The following TRIOBP variants were observed in gnomAD, a reference collection of about 807,000 sequenced individuals.
The protein encoded by TRIOBP is TRIO and F-actin binding protein.
A neutral mutation model predicts 238.8 loss-of-function variants in TRIOBP; 169 were observed. That is an observed-to-expected ratio of 0.71 (90% CI 0.62 to 0.80). TRIOBP has a LOEUF of 0.80. TRIOBP is among the 30% of genes least tolerant of loss of function. The probability of loss-of-function intolerance (pLI) is 0.00; values close to 1 mark genes in which losing one functional copy is unlikely to be tolerated. For missense variants in TRIOBP, 2,838 were observed against 3,122.6 expected (o/e 0.91, Z 2.17); for synonymous variants, 1,150 against 1,274.4 (o/e 0.90, Z 2.08).
chr22:37,760,374 G>A (rs1926183631), intron 17 of TRIOBP: 2 of 152,282 alleles, frequency 1.3e-5, no homozygotes, highest in South Asian at 2.1e-4. Context: ...AAATACTCCC[G>A]CTGTGGCCAA....
chr22:37,759,875 T>G, intron 17 of TRIOBP: 1 of 593,218 alleles, frequency 1.7e-6, no homozygotes, highest in Non-Finnish European at 2.3e-6. Context: ...TACACATATA[T>G]AAGTTTATTA....
chr22:37,714,959 C>T (rs910131690), intron 5 of TRIOBP, among the ~76,000 whole-genome samples: 2 of 152,188 alleles, frequency 1.3e-5, no homozygotes, highest in African/African-American at 2.4e-5. Flanking sequence ...GCACCACTCA[C>T]TGTCACCTCT....
At chr22:37,717,513 A>C (rs966411935) in intron 6 of TRIOBP, among the ~76,000 whole-genome samples, 9 of 152,110 alleles carry the variant, frequency 5.9e-5, no homozygotes, top group African/African-American at 2.2e-4. Flanking sequence ...ACAATCCCTG[A>C]GCTTGACACA....
At chr22:37,730,331 C>T (rs1440782020) in intron 7 of TRIOBP, among the ~76,000 whole-genome samples, 1 of 152,148 alleles carries the variant, frequency 6.6e-6, no homozygotes, top group African/African-American at 2.4e-5. Flanking sequence ...TCAGAATCTT[C>T]TTGAGTCCCT....
chr22:37,721,024 A>AT (rs11312598), intron 6 of TRIOBP, among the ~76,000 whole-genome samples: 1,829 of 133,312 alleles, frequency 0.014, 38 homozygotes, highest in African/African-American at 0.044. Context: ...CATCCGGCTA[A>AT]TTTTTTTTTT....
At position 37,715,911 on chromosome 22, in the gene TRIOBP, A is replaced by G. The variant is rs1923493133; in HGVS notation, c.605A>G (p.Asp202Gly). 6.2e-7 allele frequency: 1 copy of G among 1,612,866 alleles called. No homozygotes were observed. The highest frequency in any genetic ancestry group is 8.5e-7 in the Non-Finnish European group (1 of 1,179,848). Residue 202 changes from aspartate to glycine, a missense_variant, in exon 6 of 24, where the codon GAT becomes GGT. This residue lies in a region of TRIOBP where 535 missense variants were observed against 537.3 expected (regional missense o/e 1.00). Coordinates refer to ENST00000644935, the MANE Select transcript of TRIOBP (RefSeq NM_001039141.3). ...SLLTRSPVGG[D>G]AAGQKKEDTG... ...CTCACCAGGTCCCCTGTGGGAGGAGATGCTGCAGGCCAGAAAAAGGAGGGT... is the reference window on the plus strand; with the variant it reads ...CTCACCAGGTCCCCTGTGGGAGGAGGTGCTGCAGGCCAGAAAAAGGAGGGT...
rs1364140287 is a variant in TRIOBP at position 37,757,625 on chromosome 22, TAA to T, written c.5701_5702del (p.Asn1901GlnfsTer25). On this transcript the variant is annotated frameshift_variant, in exon 16 of 24. Transcript: ENST00000644935. LOFTEE classifies it high-confidence loss of function. ...APDVTKLSDS[N>X]KENALHSYST... Reference sequence around the variant, plus strand: ...GCTGGTGCCCTAGGCTCTCGGACTCTAACAAGGAGAACGCGCTGCACAGCTAC... The same window carrying T: ...GCTGGTGCCCTAGGCTCTCGGACTCTCAAGGAGAACGCGCTGCACAGCTAC... 1 of 1,586,752 alleles carries T rather than the reference TAA, an allele frequency of 6.3e-7. No homozygotes were observed. Among genetic ancestry groups the T allele is most frequent in the Admixed American group, 1.8e-5 (1 of 56,290 alleles).
intron 23 of TRIOBP, among the ~76,000 whole-genome samples, chr22:37,773,077 G>A (rs1926863860): frequency 6.6e-6 from 1 of 152,204 alleles, no homozygotes; most frequent in Non-Finnish European, 1.5e-5. Flanking sequence ...GACCCCCACA[G>A]TGAATCTCCA....
chr22:37,712,832 C>A (rs1031420057), intron 4 of TRIOBP, among the ~76,000 whole-genome samples: 2 of 151,744 alleles, frequency 1.3e-5, no homozygotes, highest in African/African-American at 2.4e-5. Flanking sequence ...TGGCGGGCGC[C>A]TGTAGTCCCA....
chr22:37,756,001 G>A (rs1398772933), intron 15 of TRIOBP, among the ~76,000 whole-genome samples: 1 of 152,212 alleles, frequency 6.6e-6, no homozygotes, highest in East Asian at 1.9e-4. Context: ...CAGCCTTGGC[G>A]CCCACACCTC....
At chr22:37,762,354 T>C (rs144281439) in intron 17 of TRIOBP, among the ~76,000 whole-genome samples, 3,378 of 152,322 alleles carry the variant, frequency 0.022, 71 homozygotes, top group Non-Finnish European at 0.034. Flanking sequence ...GTGTGACCAC[T>C]GCACTGGCCC....
chr22:37,762,405 C>G (rs1289870022), intron 17 of TRIOBP, among the ~76,000 whole-genome samples: 2 of 152,200 alleles, frequency 1.3e-5, no homozygotes, highest in Non-Finnish European at 2.9e-5. Flanking sequence ...TTTAGATTTC[C>G]TTTAGATAAA....
intron 21 of TRIOBP, 111 bp from the exon 22 acceptor site, chr22:37,771,539 A>G (rs1926771029): frequency 7.6e-6 from 7 of 917,548 alleles, no homozygotes. Context: ...TTGTGCAGAT[A>G]GGGGCTGCAT....
In TRIOBP at chr22:37,697,622, C is replaced by G. The variant is rs1327039625; in HGVS notation, c.-135C>G. 2 of 152,262 alleles carry G rather than the reference C, an allele frequency of 1.3e-5. No homozygotes were observed. The highest frequency in any genetic ancestry group is 2.9e-5 in the Non-Finnish European group (2 of 68,134). The allele number at this position is 152,262 out of a possible 1,614,324, so 9.4% of individuals were successfully genotyped here. On this transcript the variant is annotated 5_prime_UTR_variant, in exon 2 of 24. Transcript: ENST00000644935. ...TGGAGGAGCCTTGGCCCTGGCTGTCCCAGGGGAGGAGGTGAAATTCCTCAG... is the reference window on the plus strand; with the variant it reads ...TGGAGGAGCCTTGGCCCTGGCTGTCGCAGGGGAGGAGGTGAAATTCCTCAG...
At chr22:37,745,113 C>T (rs1925154900) in intron 11 of TRIOBP, among the ~76,000 whole-genome samples, 1 of 152,166 alleles carries the variant, frequency 6.6e-6, no homozygotes, top group Non-Finnish European at 1.5e-5. Flanking sequence ...ATCCACCCAC[C>T]TCAGCCTCCC....
intron 11 of TRIOBP, among the ~76,000 whole-genome samples, chr22:37,742,332 G>A (rs1369579764): frequency 4.2e-5 from 6 of 142,822 alleles, no homozygotes; most frequent in African/African-American, 7.7e-5. Context: ...GCACCATCTC[G>A]GCTCACTGCA....
chr22:37,727,863 C>G (rs1217162057), intron 7 of TRIOBP, among the ~76,000 whole-genome samples: 1 of 152,102 alleles, frequency 6.6e-6, no homozygotes, highest in Admixed American at 6.6e-5. Context: ...TTTCTCTCCC[C>G]AGAAGTTCCA....
intron 16 of TRIOBP, among the ~76,000 whole-genome samples, chr22:37,758,859 C>T (rs1926090023): frequency 6.6e-6 from 1 of 152,194 alleles, no homozygotes. Context: ...CTGTCACCTC[C>T]ATGATGTGTA....
intron 9 of TRIOBP, among the ~76,000 whole-genome samples, chr22:37,738,189 G>A (rs1006471758): frequency 6.6e-6 from 1 of 152,196 alleles, no homozygotes; most frequent in South Asian, 2.1e-4. Context: ...ATGGATGACA[G>A]ATGGGTGATG....
Sources: gnomAD v4.1 joint callset for allele counts (sites outside exome capture counted in the v4.1 genomes callset) on GRCh38, gnomAD v4.1.1 for gene constraint, gnomAD v4.1.1 regional missense constraint, MANE v1.5 for transcripts, NCBI Gene and HGNC (gene_info 2026-07-23, HGNC 2026-07-21) for gene names.